The following ERAS variants were observed in gnomAD, a reference collection of about 807,000 sequenced individuals.
The protein encoded by ERAS is GTPase ERas.
For missense variants in ERAS, 137 were observed against 199.2 expected, an observed-to-expected ratio of 0.69 and a Z score of 1.88; for synonymous variants, 87 against 89.1, an observed-to-expected ratio of 0.98 and a Z score of 0.13.
At chrX:48,827,985 C>T (rs1302665580) in intron 1 of ERAS, among the ~76,000 whole-genome samples, 1 of 107,705 alleles carries the variant, frequency 9.3e-6, no homozygotes, top group Non-Finnish European at 1.9e-5. Flanking sequence ...TGAGCACCTT[C>T]TGCATGCTTA....
Position 48,829,499 on chromosome X carries a change from T to C in ERAS, c.376T>C (p.Ser126Pro). The change falls in exon 2 of 2, where the codon TCG (serine) becomes CCG (proline). Residue 126 changes from serine to proline, a missense_variant. Ser to Pro is a moderately conservative substitution (Grantham distance 74). Coordinates refer to ENST00000636362, the MANE Select transcript of ERAS (RefSeq NM_181532.3). Reference sequence around the variant, plus strand: ...GGGCGTCTTCGCTCTCGATGACCCCTCGTCTCTGATCCAGCTGCAGCAGAT... The same window carrying C: ...GGGCGTCTTCGCTCTCGATGACCCCCCGTCTCTGATCCAGCTGCAGCAGAT... ...VLGVFALDDP[S>P]SLIQLQQIWA... is the part of the protein sequence containing the mutation. The C allele has an allele frequency of 8.2e-7, 1 of 1,212,137 alleles. No homozygotes were observed. Among genetic ancestry groups the C allele is most frequent in the Non-Finnish European group, 1.1e-6 (1 of 895,574 alleles).
chrX:48,827,537 C>T (rs948065112), intron 1 of ERAS, among the ~76,000 whole-genome samples: 3 of 111,839 alleles, frequency 2.7e-5, no homozygotes, highest in Admixed American at 9.4e-5. Context: ...ACGCCGCGGC[C>T]GCATCCCCAT....
rs1259243987 is a variant in ERAS, at chrX:48,829,726, G to A, written c.603G>A (p.Arg201=). 3.3e-6 allele frequency: 4 copies of A among 1,204,294 alleles called. No individual in the cohort carries two copies. The highest frequency in any genetic ancestry group is 4.5e-6 in the Non-Finnish European group (4 of 891,999). Residue 201 remains arginine (R), a synonymous_variant, in exon 2 of 2, where the codon AGG becomes AGA. Transcript: ENST00000636362. ...CCCTGCTGGTCCATGAGATCCAGAG[G>A]GTCCAGGAGGCCATGGCGAAGGAGC... ...AFSLLVHEIQ[R]VQEAMAKEPM...
chrX:48,829,438 G>A lies in ERAS; in HGVS notation c.315G>A (p.Leu105=), dbSNP rs2147402232. 1 of 1,209,738 alleles carries A rather than the reference G, an allele frequency of 8.3e-7. No individual in the cohort carries two copies. The highest frequency in any genetic ancestry group is 1.1e-6 in the Non-Finnish European group (1 of 894,287). The change falls in exon 2 of 2, where the codon CTG becomes CTA. Residue 105 remains leucine, a synonymous_variant. Coordinates refer to ENST00000636362, the MANE Select transcript of ERAS (RefSeq NM_181532.3). Reference sequence around the variant, plus strand: ...CAGGGCAGGCCATCCATAGGGCCCTGCGTGACCAGTGCCTGGCTGTCTGTG... The same window carrying A: ...CAGGGCAGGCCATCCATAGGGCCCTACGTGACCAGTGCCTGGCTGTCTGTG... The part of the protein sequence containing the change: ...DTAGQAIHRA[L]RDQCLAVCDG...
At chrX:48,827,588 C>T (rs2063162744) in intron 1 of ERAS, among the ~76,000 whole-genome samples, 1 of 112,086 alleles carries the variant, frequency 8.9e-6, no homozygotes, top group Admixed American at 9.4e-5. Context: ...ATCTCCAGCT[C>T]CACCAAACCT....
rs1255774598 is a variant in ERAS, at chrX:48,829,567, C to T, written c.444C>T (p.Leu148=). 5.0e-6 allele frequency: 6 copies of T among 1,209,993 alleles called. No homozygotes were observed. The highest frequency in any genetic ancestry group is 1.8e-5 in the South Asian group (1 of 56,683). ...CTCACCCCGCCCAGCCCCTTGTCCTCGTGGGCAACAAGTGTGACCTTGTGA... is the reference window on the plus strand; with the variant it reads ...CTCACCCCGCCCAGCCCCTTGTCCTTGTGGGCAACAAGTGTGACCTTGTGA... The part of the protein sequence containing the change: ...WGPHPAQPLV[L]VGNKCDLVTT... The change falls in exon 2 of 2, where the codon CTC becomes CTT. Residue 148 remains leucine (L), a synonymous_variant. Coordinates refer to ENST00000636362, the MANE Select transcript of ERAS (RefSeq NM_181532.3).
chrX:48,828,956 G>A (rs2063165679), intron 1 of ERAS, 125 bp from the exon 2 acceptor site: 1 of 366,466 alleles, frequency 2.7e-6, no homozygotes, highest in Non-Finnish European at 4.7e-6. Context: ...CAAATTGGAA[G>A]GTGATCAGCA....
chrX:48,828,251 A>C (rs891653853), intron 1 of ERAS, among the ~76,000 whole-genome samples: 1 of 109,805 alleles, frequency 9.1e-6, no homozygotes, highest in Non-Finnish European at 1.9e-5. Context: ...CTGGTCTCGA[A>C]CTCCTGACCT....
Position 48,829,776 on chromosome X carries a change from A to C in ERAS, c.653A>C (p.Lys218Thr), listed in dbSNP as rs2063167902. Residue 218 changes from lysine (K) to threonine (T), a missense_variant, in exon 2 of 2, where the codon AAG (lysine) becomes ACG (threonine). Physicochemically the swap from Lys to Thr is moderately conservative, Grantham distance 78. Coordinates refer to ENST00000636362, the MANE Select transcript of ERAS (RefSeq NM_181532.3). The part of the protein sequence containing the change: ...KEPMARSCRE[K>T]TRHQKATCHC... ...CCCATGGCAAGGTCCTGTAGGGAGA[A>C]GACCCGGCACCAGAAGGCCACCTGC... The C allele has an allele frequency of 1.7e-6, 2 of 1,178,051 alleles. No individual in the cohort carries two copies. The highest frequency in any genetic ancestry group is 3.5e-5 in the African/African-American group (2 of 56,630).
intron 1 of ERAS, among the ~76,000 whole-genome samples, chrX:48,826,999 C>T (rs1218193777): frequency 8.9e-6 from 1 of 112,612 alleles, no homozygotes; most frequent in Non-Finnish European, 1.9e-5. Flanking sequence ...GAGGACCGAG[C>T]CCCCAATCTC....
At chrX:48,827,398 T>C (rs191904376) in intron 1 of ERAS, among the ~76,000 whole-genome samples, 1 of 111,294 alleles carries the variant, frequency 9.0e-6, no homozygotes, top group South Asian at 3.8e-4. Flanking sequence ...CCTCCAGGTC[T>C]TCTTCCTGTC....
intron 1 of ERAS, among the ~76,000 whole-genome samples, chrX:48,828,542 T>C (rs2063164931): frequency 8.9e-6 from 1 of 112,030 alleles, no homozygotes; most frequent in African/African-American, 3.2e-5. Context: ...TTATATTATC[T>C]GCCTCTGCCT....
intron 1 of ERAS, 73 bp from the exon 2 acceptor site, chrX:48,829,008 C>A: frequency 1.8e-6 from 1 of 554,695 alleles, no homozygotes; most frequent in Non-Finnish European, 2.7e-6. Flanking sequence ...TGACACCCCA[C>A]TGTCTCCTTG....
chrX:48,829,198 C>G lies in ERAS; in HGVS notation c.75C>G (p.Thr25=), dbSNP rs375020221. 28 of 1,164,959 alleles carry G rather than the reference C, an allele frequency of 2.4e-5. No homozygotes were observed. The highest frequency in any genetic ancestry group is 3.1e-5 in the Non-Finnish European group (27 of 871,513). ...GGAGCCCTTCCTTCCAGGGGGAAAC[C>G]CACCGGGCTCAGGCACGCCGCAGGG... ...ATWSPSFQGE[T]HRAQARRRDV... The change falls in exon 2 of 2, where the codon ACC becomes ACG. Residue 25 remains threonine, a synonymous_variant. Transcript: ENST00000636362.
chrX:48,826,851 C>T (rs1159241996), intron 1 of ERAS, among the ~76,000 whole-genome samples: 1 of 112,632 alleles, frequency 8.9e-6, no homozygotes, highest in Non-Finnish European at 1.9e-5. Flanking sequence ...AAAGCACGAC[C>T]TGGCGAGGCC....
chrX:48,829,777 G>C lies in ERAS; in HGVS notation c.654G>C (p.Lys218Asn). ...KEPMARSCREKTRHQKATCHC... is the reference protein window; with the variant it reads ...KEPMARSCRENTRHQKATCHC... Reference sequence around the variant, plus strand: ...CCATGGCAAGGTCCTGTAGGGAGAAGACCCGGCACCAGAAGGCCACCTGCC... The same window carrying C: ...CCATGGCAAGGTCCTGTAGGGAGAACACCCGGCACCAGAAGGCCACCTGCC... Residue 218 changes from lysine (K) to asparagine (N), a missense_variant, in exon 2 of 2, where the codon AAG (lysine) becomes AAC (asparagine). Transcript: ENST00000636362. The C allele has an allele frequency of 8.5e-7, 1 of 1,177,459 alleles. No individual in the cohort carries two copies. Among genetic ancestry groups the C allele is most frequent in the Non-Finnish European group, 1.1e-6 (1 of 876,900 alleles).
chrX:48,829,072 C>T lies in ERAS; in HGVS notation c.-43-9C>T. 4.8e-6 allele frequency: 5 copies of T among 1,038,393 alleles called. No individual in the cohort carries two copies. The highest frequency in any genetic ancestry group is 6.3e-6 in the Non-Finnish European group (5 of 791,545). 85.6% of individuals were successfully genotyped at this position (1,038,393 alleles called of 1,213,427 possible). ...CCTGTTGTCTTGCTTCTTCTCTTCCCACTTGCAGAGCCTGCTGCCCACGTC... is the reference window on the plus strand; with the variant it reads ...CCTGTTGTCTTGCTTCTTCTCTTCCTACTTGCAGAGCCTGCTGCCCACGTC... On this transcript the variant is annotated splice_polypyrimidine_tract_variant and intron_variant, in intron 1 of 1. Transcript: ENST00000636362.
chrX:48,826,862 G>A (rs1177805467), intron 1 of ERAS, among the ~76,000 whole-genome samples: 1 of 112,573 alleles, frequency 8.9e-6, no homozygotes, highest in African/African-American at 3.2e-5. Context: ...TGGCGAGGCC[G>A]CCCTAACCCC....
chrX:48,829,636 C>T lies in ERAS; in HGVS notation c.513C>T (p.His171=). The T allele has an allele frequency of 8.3e-7, 1 of 1,210,958 alleles. No homozygotes were observed. Among genetic ancestry groups the T allele is most frequent in the South Asian group, 1.8e-5 (1 of 56,715 alleles). Reference sequence around the variant, plus strand: ...ATGCCGCTGCTGCAGCCCTCGCACACAGCTGGGGGGCCCACTTCGTGGAGA... The same window carrying T: ...ATGCCGCTGCTGCAGCCCTCGCACATAGCTGGGGGGCCCACTTCGTGGAGA... ...DAHAAAAALA[H]SWGAHFVETS... The change falls in exon 2 of 2, where the codon CAC becomes CAT. Residue 171 remains histidine, a synonymous_variant. Coordinates refer to ENST00000636362, the MANE Select transcript of ERAS (RefSeq NM_181532.3).
Sources: gnomAD v4.1 joint callset for allele counts (sites outside exome capture counted in the v4.1 genomes callset) on GRCh38, gnomAD v4.1.1 for gene constraint, MANE v1.5 for transcripts, NCBI Gene and HGNC (gene_info 2026-07-23, HGNC 2026-07-21) for gene names.